Variants in PPP2R2C observed in about 807,000 individuals in gnomAD.
The protein encoded by PPP2R2C is protein phosphatase 2, regulatory subunit B, gamma.
PPP2R2C carries 10 observed loss-of-function variants against 45.3 expected under a neutral mutation model. The ratio of observed to expected loss-of-function variants is 0.22; its 90% CI spans 0.14 to 0.37. The LOEUF (loss-of-function observed/expected upper bound fraction) is 0.37, where lower values mean the gene tolerates loss of function less well. Ranked by LOEUF, PPP2R2C falls within the 10% of genes least tolerant of loss-of-function variation. The pLI is 1.00. For missense variants in PPP2R2C, 308 were observed against 619.7 expected (o/e 0.50, Z 5.34); for synonymous variants, 257 against 245.4 (o/e 1.05, Z -0.44).
chr4:6,324,330 G>A lies in PPP2R2C; in HGVS notation c.1053-737C>T, dbSNP rs556523639. ...ACCTGTAATCCCAGCTACTCAGGAG[G>A]CTGAGGCAGGAGAGTTGCTTGAATC... On this transcript the variant is annotated intron_variant, in intron 8 of 8. Transcript: ENST00000382599. The surrounding 1 kb of genome is among the most constrained non-coding windows in gnomAD (Gnocchi z 4.1). Among the ~76,000 whole-genome samples, 42 of 152,296 alleles carry A rather than the reference G, an allele frequency of 2.8e-4. No individual in the cohort carries two copies. The highest frequency in any genetic ancestry group is 9.4e-4 in the African/African-American group (39 of 41,568).
In PPP2R2C at chr4:6,378,901, T is replaced by G. The variant is rs1715568180; in HGVS notation, c.169-329A>C. On this transcript the variant is annotated intron_variant, in intron 2 of 8. Transcript: ENST00000382599. This position sits in a 1 kb window ranked among gnomAD's most constrained non-coding sequence, Gnocchi z 5.2. ...CGCATTCTACCCTCCAGGCCTCCTC[T>G]GCTTGAGCACCACGACTCTCCCCAT... Among the ~76,000 whole-genome samples, 1 of 151,594 alleles carries G rather than the reference T, an allele frequency of 6.6e-6. No individual in the cohort carries two copies. Among genetic ancestry groups the G allele is most frequent in the Non-Finnish European group, 1.5e-5 (1 of 67,952 alleles).
rs949935932 is a variant in PPP2R2C, at chr4:6,418,041, A to T, written c.71-36947T>A. On this transcript the variant is annotated intron_variant, in intron 1 of 8. Coordinates refer to ENST00000382599, the MANE Select transcript of PPP2R2C (RefSeq NM_020416.4). ...TGGGGAGAACTGGGTTGGGGTCCTC[A>T]TTCTGCCCCTCACCTTGCCTTGCCG... Among the ~76,000 whole-genome samples the T allele has an allele frequency of 7.8e-4, 119 of 152,284 alleles. 1 individual carries two copies. The highest frequency in any genetic ancestry group is 2.8e-3 in the African/African-American group (116 of 41,568).
At chr4:6,413,865 C>T (rs1439057148) in intron 1 of PPP2R2C, 5 of 1,535,878 alleles carry the variant, frequency 3.3e-6, no homozygotes, top group Admixed American at 2.0e-5. Flanking sequence ...CGATGGGGAC[C>T]CTCCCAACTC....
At chr4:6,433,437 T>C (rs1350856297) in intron 1 of PPP2R2C, among the ~76,000 whole-genome samples, 2 of 152,192 alleles carry the variant, frequency 1.3e-5, no homozygotes, top group Non-Finnish European at 2.9e-5. Context: ...TTTGCAGATC[T>C]AAGTAGCGTC....
rs537270724 is a variant in PPP2R2C at position 6,563,421 on chromosome 4, C to G, written c.-59+139G>C. On this transcript the variant is annotated intron_variant, in intron 1 of 9. Transcript: ENST00000506140. This position sits in a 1 kb window ranked among gnomAD's most constrained non-coding sequence, Gnocchi z 5.8. ...CTTCTGGCCCGCGAAGACGCGCCCTCTCCTCCAGTCGCGGGAGTCCCGCAC... is the reference window on the plus strand; with the variant it reads ...CTTCTGGCCCGCGAAGACGCGCCCTGTCCTCCAGTCGCGGGAGTCCCGCAC... 6.6e-6 allele frequency: 1 copy of G among 152,244 alleles called. No homozygotes were observed. The highest frequency in any genetic ancestry group is 2.1e-4 in the South Asian group (1 of 4,862). The allele number at this position is 152,244 out of a possible 1,614,324, so 9.4% of individuals were successfully genotyped here.
chr4:6,381,030 G>A lies in PPP2R2C; in HGVS notation c.135C>T (p.Gly45=), dbSNP rs762247987. The part of the protein sequence containing the change: ...TGELLATGDK[G]GRVVIFQREP... ...CCCGCTGGAAGATGACGACCCGGCC[G>A]CCCTTGTCACCTGTGGCCAGCAGCT... Residue 45 remains glycine, a synonymous_variant, in exon 2 of 9, where the codon GGC becomes GGT. Coordinates refer to ENST00000382599, the MANE Select transcript of PPP2R2C (RefSeq NM_020416.4). 10 of 1,556,968 alleles carry A rather than the reference G, an allele frequency of 6.4e-6. No homozygotes were observed. Among genetic ancestry groups the A allele is most frequent in the Admixed American group, 1.8e-5 (1 of 56,438 alleles).
chr4:6,536,700 C>T (rs1369778742), intron 1 of PPP2R2C, among the ~76,000 whole-genome samples: 1 of 152,246 alleles, frequency 6.6e-6, no homozygotes, highest in Admixed American at 6.5e-5. Flanking sequence ...TCTCAATGCA[C>T]AGGCCCCTTG....
At position 6,472,325 on chromosome 4, in the gene PPP2R2C, C is replaced by T; in HGVS notation, c.-96G>A. ...GGGCGCGCGGGCCATGCCGCCGCAGCCTAGCAGGGGCGCGGGCCGCCGGGG... is the reference window on the plus strand; with the variant it reads ...GGGCGCGCGGGCCATGCCGCCGCAGTCTAGCAGGGGCGCGGGCCGCCGGGG... On this transcript the variant is annotated 5_prime_UTR_variant, in exon 1 of 9. Transcript: ENST00000382599. 6.7e-7 allele frequency: 1 copy of T among 1,484,366 alleles called. No individual in the cohort carries two copies. Among genetic ancestry groups the T allele is most frequent in the Non-Finnish European group, 9.0e-7 (1 of 1,115,834 alleles). The allele number at this position is 1,484,366 out of a possible 1,614,324, so 91.9% of individuals were successfully genotyped here. A position where few individuals can be genotyped will look rare whatever the true frequency, so the allele number is the denominator to read the frequency against.
At chr4:6,444,342 C>T (rs1422369514) in intron 1 of PPP2R2C, among the ~76,000 whole-genome samples, 3 of 152,080 alleles carry the variant, frequency 2.0e-5, no homozygotes, top group Admixed American at 6.5e-5. Flanking sequence ...GGCCAGGCAC[C>T]GTGACCACTG....
chr4:6,335,439 G>A (rs986527514), intron 6 of PPP2R2C, among the ~76,000 whole-genome samples: 1 of 152,102 alleles, frequency 6.6e-6, no homozygotes, highest in South Asian at 2.1e-4. Flanking sequence ...GCAGGGACAC[G>A]CCAAGGGCCG....
At position 6,481,927 on chromosome 4, in the gene PPP2R2C, C is replaced by T. The variant is rs1722366388; in HGVS notation, c.49+53344G>A. ...CCGGGAGGCAGAGGCTGCAGTGAGC[C>T]GAGATCGCACCACTGCACTCCAGCC... is the stretch of plus-strand genomic sequence containing the variant. On this transcript the variant is annotated intron_variant, in intron 2 of 9. Coordinates refer to the PPP2R2C transcript ENST00000506140. Among the ~76,000 whole-genome samples the T allele has an allele frequency of 2.2e-5, 3 of 135,830 alleles. 1 individual carries two copies. The South Asian group carries it at 6.9e-4, about 31-fold the overall frequency. The allele number at this position is 135,830 out of a possible 152,430, so 89.1% of individuals were successfully genotyped here.
At chr4:6,363,389 T>TA (rs1713994430) in intron 5 of PPP2R2C, among the ~76,000 whole-genome samples, 1 of 152,028 alleles carries the variant, frequency 6.6e-6, no homozygotes, top group Non-Finnish European at 1.5e-5. Context: ...CCATCCTGGC[T>TA]AACACGGTGA....
intron 1 of PPP2R2C, chr4:6,381,633 C>T: frequency 6.7e-7 from 1 of 1,495,358 alleles, no homozygotes; most frequent in Non-Finnish European, 8.9e-7. Flanking sequence ...GCCCCACCTC[C>T]AGGCAGGCCT....
chr4:6,369,017 T>A (rs1471238789), intron 5 of PPP2R2C, among the ~76,000 whole-genome samples: 1 of 152,196 alleles, frequency 6.6e-6, no homozygotes, highest in Non-Finnish European at 1.5e-5. Flanking sequence ...TGAAGGGGGA[T>A]GTCTCTGTTT....
chr4:6,503,803 A>G, intron 2 of PPP2R2C, among the ~76,000 whole-genome samples: 1 of 152,082 alleles, frequency 6.6e-6, no homozygotes, highest in African/African-American at 2.4e-5. Context: ...ATTAAAAAAA[A>G]AAAAACAAAA....
chr4:6,447,903 C>A lies in PPP2R2C; in HGVS notation c.70+24257G>T, dbSNP rs112809177. ...CCAGCTCCTTTCCCACAGTGAGAAT[C>A]GTATGCATCTGCCTAATCACCCTAA... On this transcript the variant is annotated intron_variant, in intron 1 of 8. Transcript: ENST00000382599. Among the ~76,000 whole-genome samples the A allele has an allele frequency of 9.7e-3, 1,478 of 152,244 alleles. 33 individuals are homozygous for A. The highest frequency in any genetic ancestry group is 0.034 in the African/African-American group (1,407 of 41,536).
chr4:6,455,523 G>A (rs891176875), intron 1 of PPP2R2C, among the ~76,000 whole-genome samples: 2 of 152,058 alleles, frequency 1.3e-5, no homozygotes, highest in Admixed American at 6.5e-5. Context: ...GCAGCTCCCA[G>A]CCTGCCTGAA....
At chr4:6,466,642 C>T (rs1000827228) in intron 1 of PPP2R2C, among the ~76,000 whole-genome samples, 2 of 152,152 alleles carry the variant, frequency 1.3e-5, no homozygotes, top group African/African-American at 4.8e-5. Context: ...ATCACACTCT[C>T]CATGGAGCCT....
chr4:6,334,669 C>T (rs932156300), intron 6 of PPP2R2C, among the ~76,000 whole-genome samples: 9 of 152,146 alleles, frequency 5.9e-5, no homozygotes, highest in African/African-American at 1.7e-4. Flanking sequence ...ACCCAGGGAA[C>T]GATGGGAAGA....
Sources: allele counts gnomAD v4.1 joint callset (sites outside exome capture counted in the v4.1 genomes callset), GRCh38; gene constraint gnomAD v4.1.1; non-coding constraint Gnocchi (gnomAD v3.1); transcripts MANE v1.5; gene names NCBI Gene and HGNC (gene_info 2026-07-23, HGNC 2026-07-21).